NCOA4: variants seen among roughly 807,000 people sequenced by gnomAD.
The protein encoded by NCOA4 is 70 kDa AR-activator.
A neutral mutation model predicts 69.5 loss-of-function variants in NCOA4; 31 were observed. The observed-to-expected ratio is 0.45, with a 90% CI of 0.34 to 0.60. The LOEUF is 0.60. NCOA4 is among the 20% of genes least tolerant of loss of function. The pLI is 0.02. For missense variants in NCOA4, 600 were observed against 719.2 expected (o/e 0.83, Z 1.90); for synonymous variants, 228 against 252.4 (o/e 0.90, Z 0.92).
rs140366186 is a variant in NCOA4, at chr10:46,023,623, G to A, written c.-15+6903C>T. On this transcript the variant is annotated intron_variant, in intron 1 of 9. Transcript: ENST00000581486. ...TGCTAGACGCCTGCTGCCCCCGCCC[G>A]GCCCCCAGGGTAAGGCCAGCTAGAA... Among the ~76,000 whole-genome samples, 727 of 152,312 alleles carry A rather than the reference G, an allele frequency of 4.8e-3. 5 individuals carry two copies. Among genetic ancestry groups the A allele is most frequent in the East Asian group, 0.019 (99 of 5,188 alleles).
chr10:46,016,463 G>C (rs1370782037), intron 2 of NCOA4, 77 bp downstream of exon 2: 6 of 1,307,368 alleles, frequency 4.6e-6, no homozygotes, highest in Admixed American at 2.9e-5. Flanking sequence ...GGCACGGAGA[G>C]ACCAAGTCCT....
intron 9 of NCOA4, 196 bp downstream of exon 9, chr10:46,009,213 CTA>C (rs1332165862): frequency 1.8e-5 from 28 of 1,548,566 alleles, no homozygotes; most frequent in Non-Finnish European, 2.3e-5. Context: ...TGAAGTATGC[CTA>C]GTTAGTTAAT....
chr10:46,025,037 G>A (rs557415991), intron 1 of NCOA4, among the ~76,000 whole-genome samples: 1 of 152,336 alleles, frequency 6.6e-6, no homozygotes, highest in East Asian at 1.9e-4. Context: ...TTAGCAGGCT[G>A]AGACATCCCA....
rs78473923 is a variant in NCOA4, at chr10:46,005,426, G to A, written c.*1166C>T. On this transcript the variant is annotated 3_prime_UTR_variant, in exon 10 of 10. Coordinates refer to ENST00000581486, the MANE Select transcript of NCOA4 (RefSeq NM_001145263.2). ...ATGAAGTTTCCCCAGAAGTATTTCC[G>A]GTAAGAGGCAGTTAAGAAGCTTAAT... 956 of 218,100 alleles carry A rather than the reference G, an allele frequency of 4.4e-3. 6 individuals carry two copies. The highest frequency in any genetic ancestry group is 0.014 in the East Asian group (201 of 14,754). 13.5% of individuals were successfully genotyped at this position (218,100 alleles called of 1,614,324 possible).
intron 1 of NCOA4, among the ~76,000 whole-genome samples, chr10:46,020,402 T>A (rs782481708): frequency 1.3e-5 from 2 of 152,196 alleles, no homozygotes; most frequent in Non-Finnish European, 2.9e-5. Context: ...ATATTATATG[T>A]CTACCGGCAC....
chr10:46,029,607 C>G (rs969977521), intron 1 of NCOA4, among the ~76,000 whole-genome samples: 9 of 152,174 alleles, frequency 5.9e-5, no homozygotes, highest in African/African-American at 2.2e-4. Context: ...AAGGCAATTA[C>G]TGTGGTGAAC....
chr10:46,023,741 T>C (rs1227501795), intron 1 of NCOA4, among the ~76,000 whole-genome samples: 1 of 152,224 alleles, frequency 6.6e-6, no homozygotes, highest in African/African-American at 2.4e-5. Context: ...GAATTATATA[T>C]GAACTATAAT....
At position 46,006,586 on chromosome 10, in the gene NCOA4, A is replaced by G. The variant is rs1838824253; in HGVS notation, c.*6T>C. ...CAGAAAGGCTGCTCAACTCTTGTCCATTCCTTCACATCTGTAAAGAGACAC... is the reference window on the plus strand; with the variant it reads ...CAGAAAGGCTGCTCAACTCTTGTCCGTTCCTTCACATCTGTAAAGAGACAC... On this transcript the variant is annotated 3_prime_UTR_variant, in exon 10 of 10. Coordinates refer to ENST00000581486, the MANE Select transcript of NCOA4 (RefSeq NM_001145263.2). 1 of 1,613,938 alleles carries G rather than the reference A, an allele frequency of 6.2e-7. No individual in the cohort carries two copies. The highest frequency in any genetic ancestry group is 8.5e-7 in the Non-Finnish European group (1 of 1,179,948).
chr10:46,009,958 G>C (rs1434587822), intron 8 of NCOA4, among the ~76,000 whole-genome samples: 1 of 152,100 alleles, frequency 6.6e-6, no homozygotes, highest in South Asian at 2.1e-4. Flanking sequence ...CTTAAGCTCA[G>C]GAGTTCAGAG....
At chr10:46,008,065 A>G (rs1554920248) in intron 9 of NCOA4, among the ~76,000 whole-genome samples, 18 of 152,224 alleles carry the variant, frequency 1.2e-4, no homozygotes, top group Non-Finnish European at 2.6e-4. Flanking sequence ...CTCAGAAAAA[A>G]ACATTCCTTT....
intron 8 of NCOA4, 136 bp from the exon 9 acceptor site, chr10:46,009,687 T>C (rs1352086573): frequency 2.6e-6 from 2 of 783,288 alleles, no homozygotes; most frequent in African/African-American, 3.5e-5. Flanking sequence ...AAGGTGACAA[T>C]TGTTATTTCT....
At position 46,011,342 on chromosome 10, in the gene NCOA4, A is replaced by ACTG. The variant is rs1165441196; in HGVS notation, c.715-139_715-137dup. On this transcript the variant is annotated intron_variant, in intron 7 of 9. Transcript: ENST00000581486. ...GAGTGCGGTGGCACAATCTCAGCTC[A>ACTG]CTGCAAGCTCTGCCTCCCAGCTTCA... 44 of 826,572 alleles carry ACTG rather than the reference A, an allele frequency of 5.3e-5. No homozygotes were observed. In the African/African-American group the frequency reaches 5.7e-4, roughly 11 times the overall value. The allele number at this position is 826,572 out of a possible 1,614,324, so 51.2% of individuals were successfully genotyped here.
chr10:46,017,002 C>T (rs1554923433), intron 1 of NCOA4, among the ~76,000 whole-genome samples: 1 of 152,154 alleles, frequency 6.6e-6, no homozygotes. Context: ...GTTAAAAGAA[C>T]ATTAGAATAT....
chr10:46,017,405 T>C (rs547079224), intron 1 of NCOA4, among the ~76,000 whole-genome samples: 3 of 152,046 alleles, frequency 2.0e-5, no homozygotes, highest in Non-Finnish European at 4.4e-5. Context: ...ATTAGCCACA[T>C]GTGGTGGTGT....
chr10:46,009,178 A>G (rs1414499699), intron 9 of NCOA4: 2 of 1,551,272 alleles, frequency 1.3e-6, no homozygotes, highest in Admixed American at 2.0e-5. Flanking sequence ...AAAATTCCCA[A>G]CGGTTACATC....
chr10:46,015,046 T>A, intron 3 of NCOA4, 80 bp downstream of exon 3: 1 of 1,598,544 alleles, frequency 6.3e-7, no homozygotes, highest in South Asian at 1.1e-5. Context: ...TGATCTATAT[T>A]AACACTGCAT....
chr10:46,027,628 G>A (rs971647184), intron 1 of NCOA4: 1 of 687,512 alleles, frequency 1.5e-6, no homozygotes. Context: ...GCCTTCTACA[G>A]TTCTTCCATG....
rs782097918 is a variant in NCOA4 at position 46,011,180 on chromosome 10, G to T, written c.741C>A (p.Phe247Leu). The T allele has an allele frequency of 6.3e-7, 1 of 1,596,336 alleles. No individual in the cohort carries two copies. The highest frequency in any genetic ancestry group is 8.5e-7 in the Non-Finnish European group (1 of 1,174,546). ...SQTSSRACNF[F>L]NNVGGNLKGL... is the part of the protein sequence containing the mutation. ...CCTTTAGGTTTCCCCCGACATTATT[G>T]AAGAAATTGCAGGCTCTGGAAGAAG... is the stretch of plus-strand genomic sequence containing the variant. The change falls in exon 8 of 10, where the codon TTC becomes TTA. Residue 247 changes from phenylalanine (F) to leucine (L), a missense_variant. By Grantham distance (22) the Phe-to-Leu change is conservative. Coordinates refer to ENST00000581486, the MANE Select transcript of NCOA4 (RefSeq NM_001145263.2).
At chr10:46,016,852 ATT>A (rs1426114812) in intron 1 of NCOA4, among the ~76,000 whole-genome samples, 158 bp from the exon 2 acceptor site, 3 of 152,122 alleles carry the variant, frequency 2.0e-5, no homozygotes, top group Admixed American at 6.5e-5. Flanking sequence ...CTTAATAAAT[ATT>A]GTCTCCTCCC....
Sources: gnomAD v4.1 joint callset for allele counts (sites outside exome capture counted in the v4.1 genomes callset) on GRCh38, gnomAD v4.1.1 for gene constraint, MANE v1.5 for transcripts, NCBI Gene and HGNC (gene_info 2026-07-23, HGNC 2026-07-21) for gene names.